TMOD2: variants seen among roughly 807,000 people sequenced by gnomAD.
TMOD2 encodes the protein tropomodulin 2, also known as tropomodulin-2.
A neutral mutation model predicts 39.9 loss-of-function variants in TMOD2; 22 were observed. The observed-to-expected ratio is 0.55, with a 90% confidence interval of 0.39 to 0.79. The LOEUF (loss-of-function observed/expected upper bound fraction) is 0.79. Among genes scored for constraint, TMOD2 ranks in the 30% least tolerant of loss-of-function variants. The probability of loss-of-function intolerance (pLI) is 0.00; values close to 1 mark genes in which losing one functional copy is unlikely to be tolerated. For missense variants in TMOD2, 386 were observed against 413.3 expected (o/e 0.93, Z 0.57); for synonymous variants, 123 against 146.1 (o/e 0.84, Z 1.14).
chr15:51,802,859 G>A (rs2056098771), intron 8 of TMOD2, among the ~76,000 whole-genome samples: 1 of 152,168 alleles, frequency 6.6e-6, no homozygotes, highest in Non-Finnish European at 1.5e-5. Context: ...AGTTCTTGAG[G>A]AGAGACTCGT....
intron 4 of TMOD2, among the ~76,000 whole-genome samples, chr15:51,774,625 C>T (rs931238087): frequency 4.6e-5 from 7 of 152,160 alleles, no homozygotes; most frequent in African/African-American, 1.7e-4. Context: ...CATTTTCATT[C>T]CTTCTGTGAT....
At chr15:51,775,002 C>T (rs1567238751) in intron 4 of TMOD2, among the ~76,000 whole-genome samples, 4 of 152,134 alleles carry the variant, frequency 2.6e-5, no homozygotes, top group African/African-American at 9.7e-5. Context: ...GCTTCCCTCC[C>T]TCGTCCTGTG....
intron 1 of TMOD2, among the ~76,000 whole-genome samples, chr15:51,755,520 C>G (rs1053018299): frequency 1.3e-5 from 2 of 152,138 alleles, no homozygotes; most frequent in African/African-American, 4.8e-5. Context: ...GCCAGCCATG[C>G]CAAGCCTGGA....
At chr15:51,767,596 G>A (rs577340444) in intron 2 of TMOD2, among the ~76,000 whole-genome samples, 12 of 151,296 alleles carry the variant, frequency 7.9e-5, no homozygotes, top group African/African-American at 2.9e-4. Flanking sequence ...GCTGGAAATT[G>A]CTCCGTGTAA....
At chr15:51,795,533 C>T (rs999703802) in intron 7 of TMOD2, among the ~76,000 whole-genome samples, 2 of 149,314 alleles carry the variant, frequency 1.3e-5, no homozygotes, top group African/African-American at 4.9e-5. Context: ...TTTATTTTTT[C>T]TCCTTAATTA....
chr15:51,778,507 TAAAA>T (rs34176952), intron 5 of TMOD2, among the ~76,000 whole-genome samples: 1 of 138,942 alleles, frequency 7.2e-6, no homozygotes, highest in Non-Finnish European at 1.6e-5. Flanking sequence ...AATTAAAAAT[TAAAA>T]AAAAAAAAAG....
intron 1 of TMOD2, among the ~76,000 whole-genome samples, chr15:51,765,772 A>G (rs2055812291): frequency 6.6e-6 from 1 of 152,342 alleles, no homozygotes; most frequent in East Asian, 1.9e-4. Context: ...AAGGAGAAAA[A>G]TAGAGAGAGT....
intron 1 of TMOD2, among the ~76,000 whole-genome samples, chr15:51,759,820 A>T (rs2055768289): frequency 6.6e-6 from 1 of 152,236 alleles, no homozygotes. Context: ...GGGAGGATTT[A>T]GGGAATCCAA....
chr15:51,766,580 G>A lies in TMOD2; in HGVS notation c.126+13G>A, dbSNP rs758921019. 2 of 1,613,076 alleles carry A rather than the reference G, an allele frequency of 1.2e-6. No homozygotes were observed. Among genetic ancestry groups the A allele is most frequent in the East Asian group, 4.5e-5 (2 of 44,866 alleles). On this transcript the variant is annotated intron_variant, in intron 2 of 9. Transcript: ENST00000249700. ...CCTAGATCCTGAGGTTAGTGACATGGAACTGAAGCAGAGTGGTTAATGATA... is the reference window on the plus strand; with the variant it reads ...CCTAGATCCTGAGGTTAGTGACATGAAACTGAAGCAGAGTGGTTAATGATA...
intron 8 of TMOD2, among the ~76,000 whole-genome samples, chr15:51,804,832 A>AAGTGCTGGGATTAC (rs1567249016): frequency 6.6e-6 from 1 of 152,014 alleles, no homozygotes; most frequent in African/African-American, 2.4e-5. Flanking sequence ...CAGCCTTCCA[A>AAGTGCTGGGATTAC]AGTGCTGGGA....
In TMOD2 at chr15:51,811,868, T is replaced by C. The variant is rs1185621137; in HGVS notation, c.*3414T>C. Reference sequence around the variant, plus strand: ...CCACATTTTATAGCTATGTAGAGGATGACTCTTAGGAAATAAATATTAGAA... The same window carrying C: ...CCACATTTTATAGCTATGTAGAGGACGACTCTTAGGAAATAAATATTAGAA... On this transcript the variant is annotated 3_prime_UTR_variant, in exon 10 of 10. Coordinates refer to ENST00000249700, the MANE Select transcript of TMOD2 (RefSeq NM_014548.4). The C allele has an allele frequency of 1.3e-5, 2 of 151,894 alleles. No individual in the cohort carries two copies. Among genetic ancestry groups the C allele is most frequent in the East Asian group, 3.9e-4 (2 of 5,152 alleles). 9.4% of individuals were successfully genotyped at this position (151,894 alleles called of 1,614,324 possible).
At chr15:51,759,286 T>C (rs1244415748) in intron 1 of TMOD2, among the ~76,000 whole-genome samples, 1 of 152,088 alleles carries the variant, frequency 6.6e-6, no homozygotes, top group Non-Finnish European at 1.5e-5. Context: ...TTCTGACATA[T>C]TTGAGGTGTC....
rs34790068 is a variant in TMOD2, at chr15:51,778,643, C to CTTTTTT, written c.493+1646_493+1651dup. 3.1e-4 allele frequency among the ~76,000 whole-genome samples: 21 copies of CTTTTTT among 68,332 alleles called. 1 individual carries two copies. The highest frequency in any genetic ancestry group is 3.5e-4 in the Non-Finnish European group (13 of 37,418). The allele number at this position is 68,332 out of a possible 152,430, so 44.8% of individuals were successfully genotyped here. ...TTTGAAAACTCATAGAAAATTACAG[C>CTTTTTT]TTTTTTTTTTTTTTTTTTTTTTTTT... On this transcript the variant is annotated intron_variant, in intron 5 of 9. Transcript: ENST00000249700.
At chr15:51,797,770 G>A (rs757620515) in intron 7 of TMOD2, among the ~76,000 whole-genome samples, 5 of 151,506 alleles carry the variant, frequency 3.3e-5, no homozygotes, top group African/African-American at 4.8e-5. Context: ...GTTTCCAAGT[G>A]CTAGTCAATG....
At chr15:51,753,207 C>G (rs1299426227) in intron 1 of TMOD2, among the ~76,000 whole-genome samples, 1 of 152,178 alleles carries the variant, frequency 6.6e-6, no homozygotes, top group Admixed American at 6.5e-5. Flanking sequence ...TTGAATAAGG[C>G]AAGGACTTAC....
intron 7 of TMOD2, among the ~76,000 whole-genome samples, chr15:51,795,610 C>CTTTCTTTCTTTCTTTCTTTCTTTCT (rs2056045592): frequency 2.4e-5 from 3 of 122,774 alleles, no homozygotes; most frequent in African/African-American, 8.9e-5. Flanking sequence ...TTCTTTCTTT[C>CTTTCTTTCTTTCTTTCTTTCTTTCT]TTTCTTTCTT....
intron 7 of TMOD2, among the ~76,000 whole-genome samples, chr15:51,789,400 C>T (rs564994044): frequency 2.0e-5 from 3 of 152,256 alleles, no homozygotes; most frequent in Admixed American, 1.3e-4. Context: ...GACTCCCACA[C>T]GATAATAATG....
Position 51,795,801 on chromosome 15 carries a change from A to G in TMOD2, c.733-2396A>G, listed in dbSNP as rs367646171. 1.4e-4 allele frequency among the ~76,000 whole-genome samples: 22 copies of G among 151,944 alleles called. 2 individuals are homozygous for G. In the East Asian group the frequency reaches 2.5e-3, roughly 17 times the overall value. On this transcript the variant is annotated intron_variant, in intron 7 of 9. Coordinates refer to ENST00000249700, the MANE Select transcript of TMOD2 (RefSeq NM_014548.4). ...ACCAACTTGGTCTTCAGCCATGCTT[A>G]TTTTGTAATTCTAGATGTCTATTAT...
At chr15:51,799,742 C>A (rs945319564) in intron 8 of TMOD2, among the ~76,000 whole-genome samples, 1 of 152,094 alleles carries the variant, frequency 6.6e-6, no homozygotes, top group Non-Finnish European at 1.5e-5. Context: ...AGTAAGGAAA[C>A]AAGCCAGAGA....
Sources: allele counts gnomAD v4.1 joint callset (sites outside exome capture counted in the v4.1 genomes callset), GRCh38; gene constraint gnomAD v4.1.1; transcripts MANE v1.5; gene names NCBI Gene and HGNC (gene_info 2026-07-23, HGNC 2026-07-21).